The following CSMD2 variants were observed in gnomAD, a reference collection of about 807,000 sequenced individuals.
The protein encoded by CSMD2 is CUB and sushi domain-containing protein 2.
Under a neutral mutation model 398.5 loss-of-function variants are expected in CSMD2, and 130 were observed. That is an observed-to-expected ratio of 0.33 (90% CI 0.28 to 0.38). CSMD2 has a LOEUF of 0.38. Among genes scored for constraint, CSMD2 ranks in the 10% least tolerant of loss-of-function variants. CSMD2 has a pLI of 1.00. For missense variants in CSMD2, 3,829 were observed against 4,764.9 expected, an observed-to-expected ratio of 0.80 and a Z score of 5.78; for synonymous variants, 1,828 against 1,908.5, an observed-to-expected ratio of 0.96 and a Z score of 1.10.
intron 2 of CSMD2, among the ~76,000 whole-genome samples, chr1:34,033,462 T>G (rs1317398637): frequency 6.6e-6 from 1 of 152,242 alleles, no homozygotes; most frequent in Non-Finnish European, 1.5e-5. Flanking sequence ...ATAATCATTT[T>G]TAAAGATTCC....
chr1:33,918,499 T>C (rs973041528), intron 4 of CSMD2, among the ~76,000 whole-genome samples, 198 bp from the exon 5 acceptor site: 41 of 152,152 alleles, frequency 2.7e-4, no homozygotes, highest in Non-Finnish European at 5.9e-5. Context: ...TCATTAGAGC[T>C]GGGTTTTGAT....
chr1:33,830,431 C>G (rs1401517093), intron 6 of CSMD2, among the ~76,000 whole-genome samples: 2 of 152,242 alleles, frequency 1.3e-5, no homozygotes, highest in African/African-American at 4.8e-5. Flanking sequence ...CAAACTCCAA[C>G]AGACTTGCAG....
At position 33,569,434 on chromosome 1, in the gene CSMD2, A is replaced by G. The variant is rs1255062737; in HGVS notation, c.8071T>C (p.Ser2691Pro). 6.2e-6 allele frequency: 10 copies of G among 1,614,164 alleles called. No homozygotes were observed. Among genetic ancestry groups the G allele is most frequent in the Non-Finnish European group, 7.6e-6 (9 of 1,180,030 alleles). ...SCNSGYTLVG[S>P]RVRECMANGL... The stretch of plus-strand genomic sequence containing the variant: ...TTGGCCATGCACTCACGCACCCTGG[A>G]GCCCACCAGTGTGTATCCGGAATTG... The change falls in exon 52 of 71, where the codon TCC becomes CCC. Residue 2691 changes from serine to proline, a missense_variant. Ser to Pro is a moderately conservative substitution (Grantham distance 74). Transcript: ENST00000373381.
intron 10 of CSMD2, among the ~76,000 whole-genome samples, chr1:33,803,059 G>T (rs973487079): frequency 6.6e-6 from 1 of 152,078 alleles, no homozygotes; most frequent in Non-Finnish European, 1.5e-5. Context: ...CAAAGCCAAT[G>T]GTCTCCTTCT....
At chr1:33,755,706 G>A (rs1312927524) in intron 13 of CSMD2, among the ~76,000 whole-genome samples, 1 of 152,152 alleles carries the variant, frequency 6.6e-6, no homozygotes, top group African/African-American at 2.4e-5. Flanking sequence ...GTGCAGTGGT[G>A]CAATCCTAGC....
rs577370108 is a variant in CSMD2 at position 33,925,806 on chromosome 1, C to T, written c.713-7505G>A. Among the ~76,000 whole-genome samples the T allele has an allele frequency of 3.3e-5, 5 of 152,138 alleles. No individual in the cohort carries two copies. In the East Asian group the frequency reaches 9.7e-4, roughly 30 times the overall value. ...CTTGCCTCATGCCAGTCTCTCTGTC[C>T]CTACTATCTGCAGCCACCCTGGCCT... On this transcript the variant is annotated intron_variant, in intron 4 of 70. Coordinates refer to ENST00000373381, the MANE Select transcript of CSMD2 (RefSeq NM_001281956.2).
chr1:33,894,415 G>A (rs1642245531), intron 5 of CSMD2, among the ~76,000 whole-genome samples: 1 of 152,194 alleles, frequency 6.6e-6, no homozygotes, highest in South Asian at 2.1e-4. Flanking sequence ...TGCACAGCAG[G>A]CTGGAAGGGC....
chr1:33,887,791 A>G (rs1031531453), intron 5 of CSMD2, among the ~76,000 whole-genome samples: 1 of 152,198 alleles, frequency 6.6e-6, no homozygotes, highest in African/African-American at 2.4e-5. Flanking sequence ...CCAAAAAAAA[A>G]GCATCCATGT....
At chr1:33,572,013 C>T (rs1570774089) in intron 50 of CSMD2, among the ~76,000 whole-genome samples, 1 of 152,108 alleles carries the variant, frequency 6.6e-6, no homozygotes, top group Non-Finnish European at 1.5e-5. Flanking sequence ...TTTCATTTTT[C>T]AAGAGAAGAC....
intron 13 of CSMD2, among the ~76,000 whole-genome samples, chr1:33,759,324 C>CTTTCTTTTTTTTTT (rs1553196465): frequency 7.2e-5 from 9 of 124,788 alleles, no homozygotes; most frequent in Admixed American, 2.4e-4. Context: ...CTTTTTTTTT[C>CTTTCTTTTTTTTTT]TTTTTTTTTT....
chr1:33,877,592 G>A (rs1287009474), intron 5 of CSMD2, among the ~76,000 whole-genome samples: 1 of 152,128 alleles, frequency 6.6e-6, no homozygotes, highest in African/African-American at 2.4e-5. Context: ...TATTTACAGA[G>A]CTCCCTTTTG....
intron 3 of CSMD2, among the ~76,000 whole-genome samples, chr1:33,973,335 C>A (rs1645841118): frequency 6.6e-6 from 1 of 152,130 alleles, no homozygotes; most frequent in Non-Finnish European, 1.5e-5. Flanking sequence ...ACTAGGGAGG[C>A]CAAGGGGCTT....
Position 33,572,579 on chromosome 1 carries a change from T to C in CSMD2, c.7689A>G (p.Ala2563=). Residue 2563 remains alanine, a synonymous_variant, in exon 50 of 71, where the codon GCA becomes GCG. Transcript: ENST00000373381. The part of the protein sequence containing the change: ...YSCSEGYHLQ[A]GAEATAECLD... The stretch of plus-strand genomic sequence containing the variant: ...GACACTCTGCAGTGGCCTCAGCGCC[T>C]GCCTGGAGGTGGTAGCCTTCACTGC... The C allele has an allele frequency of 3.1e-6, 5 of 1,614,102 alleles. No individual in the cohort carries two copies. Among genetic ancestry groups the C allele is most frequent in the Non-Finnish European group, 4.2e-6 (5 of 1,179,976 alleles).
chr1:33,741,784 G>C (rs1173308837), intron 14 of CSMD2, among the ~76,000 whole-genome samples: 1 of 152,174 alleles, frequency 6.6e-6, no homozygotes, highest in Non-Finnish European at 1.5e-5. Flanking sequence ...TGGGCCATCA[G>C]CTGCCTCCTC....
chr1:34,112,344 TG>T (rs1359105007), intron 1 of CSMD2, among the ~76,000 whole-genome samples: 1 of 152,202 alleles, frequency 6.6e-6, no homozygotes, highest in African/African-American at 2.4e-5. Context: ...TTGCTCACCC[TG>T]GGCTTCCCCA....
intron 1 of CSMD2, among the ~76,000 whole-genome samples, chr1:34,107,392 G>T (rs1660628020): frequency 1.3e-5 from 2 of 151,942 alleles, no homozygotes; most frequent in Admixed American, 1.3e-4. Context: ...CATTTTTTCT[G>T]TGCCAAGTAC....
rs370120854 is a variant in CSMD2, at chr1:33,698,766, C to G, written c.3912G>C (p.Leu1304=). 19 of 1,612,484 alleles carry G rather than the reference C, an allele frequency of 1.2e-5. No homozygotes were observed. The East Asian group carries it at 2.2e-4, about 19-fold the overall frequency. Residue 1304 remains leucine (L), a synonymous_variant, in exon 24 of 71, where the codon CTG becomes CTC. Coordinates refer to ENST00000373381, the MANE Select transcript of CSMD2 (RefSeq NM_001281956.2). ...GAGCCCTCCTACCGACACAGGTGGG[C>G]AGAGGCCGGTCCCAGGTCCGGCGCT... is the stretch of plus-strand genomic sequence containing the variant. The part of the protein sequence containing the change: ...SGERRTWDRP[L]PTCVAECGGT...
chr1:33,924,070 C>A (rs1411843597), intron 4 of CSMD2, among the ~76,000 whole-genome samples: 1 of 152,186 alleles, frequency 6.6e-6, no homozygotes, highest in African/African-American at 2.4e-5. Context: ...CTACTGTCAA[C>A]CTCTATGAGA....
chr1:33,543,833 T>C (rs547817308), intron 57 of CSMD2, among the ~76,000 whole-genome samples: 1 of 152,360 alleles, frequency 6.6e-6, no homozygotes, highest in Admixed American at 6.5e-5. Context: ...GTGTGGTTTT[T>C]ATTTTAAATC....
Sources: allele counts gnomAD v4.1 joint callset (sites outside exome capture counted in the v4.1 genomes callset), GRCh38; gene constraint gnomAD v4.1.1; transcripts MANE v1.5; gene names NCBI Gene and HGNC (gene_info 2026-07-23, HGNC 2026-07-21).